The following SUMF1 variants were observed in gnomAD, a reference collection of about 807,000 sequenced individuals.
SUMF1 encodes sulfatase modifying factor 1.
Under a neutral mutation model 47.6 loss-of-function variants are expected in SUMF1, and 48 were observed. That is an observed-to-expected ratio of 1.01 (90% CI 0.80 to 1.28). The LOEUF (loss-of-function observed/expected upper bound fraction) is 1.28. SUMF1 is among the 50% of genes most tolerant of loss of function. The pLI is 0.00. For synonymous variants in SUMF1, 230 were observed against 192.1 expected (o/e 1.20, Z -1.63); for missense variants, 571 against 485.4 (o/e 1.18, Z -1.66).
chr3:4,075,311 T>C (rs1692396923), intron 8 of SUMF1, among the ~76,000 whole-genome samples: 1 of 152,130 alleles, frequency 6.6e-6, no homozygotes, highest in Non-Finnish European at 1.5e-5. Flanking sequence ...CTAAAAACTC[T>C]CAATAAACTA....
At chr3:4,303,496 G>A (rs1559210762) in intron 8 of SUMF1, 3 of 1,463,292 alleles carry the variant, frequency 2.1e-6, no homozygotes, top group Non-Finnish European at 2.7e-6. Context: ...TGGGCGCGTG[G>A]CCCCCGGGGG....
At chr3:4,381,664 T>G (rs1195472774) in intron 7 of SUMF1, among the ~76,000 whole-genome samples, 1 of 152,172 alleles carries the variant, frequency 6.6e-6, no homozygotes, top group Non-Finnish European at 1.5e-5. Flanking sequence ...AAACTATGCC[T>G]CAGGAAAATA....
intron 8 of SUMF1, among the ~76,000 whole-genome samples, chr3:4,276,651 G>A (rs948422951): frequency 6.6e-6 from 1 of 152,118 alleles, no homozygotes; most frequent in African/African-American, 2.4e-5. Context: ...CCAGGAATCA[G>A]TCATATTGTG....
At chr3:4,344,877 C>T (rs1264060066) in intron 8 of SUMF1, among the ~76,000 whole-genome samples, 2 of 151,908 alleles carry the variant, frequency 1.3e-5, no homozygotes, top group East Asian at 1.9e-4. Flanking sequence ...ACAAGTACTT[C>T]GTGAAGCATA....
intron 8 of SUMF1, among the ~76,000 whole-genome samples, chr3:4,246,147 C>G (rs1450858006): frequency 6.6e-6 from 1 of 152,178 alleles, no homozygotes; most frequent in African/African-American, 2.4e-5. Context: ...GTGCACCGTT[C>G]CCCCAGTTAC....
At chr3:4,228,947 G>A (rs926038583) in intron 8 of SUMF1, among the ~76,000 whole-genome samples, 1 of 152,082 alleles carries the variant, frequency 6.6e-6, no homozygotes, top group African/African-American at 2.4e-5. Context: ...AACTAAGGGT[G>A]GCTAGAAGGT....
intron 8 of SUMF1, among the ~76,000 whole-genome samples, chr3:4,147,522 A>C (rs1559510659): frequency 6.6e-6 from 1 of 152,184 alleles, no homozygotes; most frequent in Non-Finnish European, 1.5e-5. Flanking sequence ...CTGCTAGCAG[A>C]TGCTTGGTAC....
At chr3:4,214,767 C>A (rs960037145) in intron 8 of SUMF1, among the ~76,000 whole-genome samples, 3 of 139,980 alleles carry the variant, frequency 2.1e-5, no homozygotes, top group Non-Finnish European at 4.6e-5. Flanking sequence ...ACTATAAACA[C>A]CTCTGCGAAA....
chr3:4,109,983 TGGA>T (rs1354223387), intron 8 of SUMF1, among the ~76,000 whole-genome samples: 1 of 152,140 alleles, frequency 6.6e-6, no homozygotes, highest in Non-Finnish European at 1.5e-5. Context: ...TGCGTTCCTT[TGGA>T]GGAGGAGAGG....
At chr3:4,324,809 T>A (rs1479044606) in intron 8 of SUMF1, among the ~76,000 whole-genome samples, 1 of 152,158 alleles carries the variant, frequency 6.6e-6, no homozygotes, top group Non-Finnish European at 1.5e-5. Flanking sequence ...TTTGGCATAG[T>A]GAGTTTGGGG....
At chr3:4,194,815 T>C (rs1400549093) in intron 8 of SUMF1, among the ~76,000 whole-genome samples, 1 of 152,150 alleles carries the variant, frequency 6.6e-6, no homozygotes, top group East Asian at 1.9e-4. Flanking sequence ...ACAGTTCCCA[T>C]ATAATACAGA....
At chr3:4,349,159 AAAAC>A (rs201088308) in intron 8 of SUMF1, among the ~76,000 whole-genome samples, 2,229 of 152,346 alleles carry the variant, frequency 0.015, 56 homozygotes, top group African/African-American at 0.046. Flanking sequence ...TTACAAGAAA[AAAAC>A]AAACAACCTT....
rs776783218 is a variant in SUMF1, at chr3:4,185,197, G to A, written c.1015-116452C>T. ...GCAGGCTTCAGAGGCATAGTCCTTCGTTACTGAACAATCCATAACTGAAGC... is the reference window on the plus strand; with the variant it reads ...GCAGGCTTCAGAGGCATAGTCCTTCATTACTGAACAATCCATAACTGAAGC... On this transcript the variant is annotated intron_variant and NMD_transcript_variant, in intron 8 of 12. Coordinates refer to the SUMF1 transcript ENST00000448413. Among the ~76,000 whole-genome samples the A allele has an allele frequency of 2.3e-4, 35 of 152,032 alleles. 1 individual carries two copies. Among genetic ancestry groups the A allele is most frequent in the East Asian group, 3.9e-4 (2 of 5,174 alleles).
chr3:4,459,920 T>G (rs764683599), intron 1 of SUMF1, among the ~76,000 whole-genome samples: 2 of 152,196 alleles, frequency 1.3e-5, no homozygotes, highest in Admixed American at 6.5e-5. Flanking sequence ...AATGCAATTT[T>G]CCAACTGAAA....
rs771276430 is a variant in SUMF1, at chr3:4,316,477, C to T, written c.1014+59853G>A. Reference sequence around the variant, plus strand: ...ATCGAAGCTGATCCCCTTACAACTACACGAGAAGTTGCTGAAGAACTCAAT... The same window carrying T: ...ATCGAAGCTGATCCCCTTACAACTATACGAGAAGTTGCTGAAGAACTCAAT... On this transcript the variant is annotated intron_variant and NMD_transcript_variant, in intron 8 of 12. Transcript: ENST00000448413. 6.2e-6 allele frequency: 10 copies of T among 1,604,102 alleles called. No homozygotes were observed. The South Asian group carries it at 1.0e-4, about 16-fold the overall frequency.
At chr3:4,342,752 G>C (rs761999607) in intron 8 of SUMF1, among the ~76,000 whole-genome samples, 1 of 152,030 alleles carries the variant, frequency 6.6e-6, no homozygotes, top group African/African-American at 2.4e-5. Context: ...ACTATTACTC[G>C]AGAAATAGAG....
intron 8 of SUMF1, among the ~76,000 whole-genome samples, chr3:4,280,375 T>C (rs1048541467): frequency 6.6e-6 from 1 of 152,116 alleles, no homozygotes; most frequent in African/African-American, 2.4e-5. Context: ...TGTGGACCAC[T>C]GGGAATTCAA....
intron 8 of SUMF1, among the ~76,000 whole-genome samples, chr3:4,111,198 C>A (rs1360419798): frequency 1.3e-5 from 2 of 151,804 alleles, no homozygotes; most frequent in Admixed American, 6.6e-5. Flanking sequence ...CCTAGTGGAA[C>A]TTGGGTATAG....
intron 3 of SUMF1, among the ~76,000 whole-genome samples, chr3:4,424,625 G>A (rs1244733678): frequency 1.3e-5 from 2 of 151,370 alleles, no homozygotes; most frequent in Non-Finnish European, 2.9e-5. Flanking sequence ...ACTGTCCTTG[G>A]TGTCCATGAA....
Sources: gnomAD v4.1 joint callset for allele counts (sites outside exome capture counted in the v4.1 genomes callset) on GRCh38, gnomAD v4.1.1 for gene constraint, MANE v1.5 for transcripts, NCBI Gene and HGNC (gene_info 2026-07-23, HGNC 2026-07-21) for gene names.